Variants in NXPE4 observed in about 807,000 individuals in gnomAD.
The protein encoded by NXPE4 is NXPE family member 4.
In NXPE4, 42 loss-of-function variants were observed where a neutral mutation model predicts 33.3. That is an observed-to-expected ratio of 1.26 (90% confidence interval 0.98 to 1.63). The LOEUF is 1.63. Among genes scored for constraint, NXPE4 ranks in the 40% most tolerant of loss-of-function variants. The pLI is 0.00. For missense variants in NXPE4, 709 were observed against 647.6 expected (o/e 1.09, Z -1.03); for synonymous variants, 253 against 234.9 (o/e 1.08, Z -0.71).
rs1949190064 is a variant in NXPE4 at position 114,582,930 on chromosome 11, T to C, written c.188A>G (p.Lys63Arg). Reference protein sequence around the residue: ...LFPKTPLISLKPLTETELRIK... With the variant: ...LFPKTPLISLRPLTETELRIK... ...TCTGAGTTCAGTCTCTGTTAGTGGC[T>C]TTAATGATATCAGTGGTGTTTTAGG... The change falls in exon 3 of 6, where the codon AAG becomes AGG. Residue 63 changes from lysine to arginine, a missense_variant. Physicochemically the swap from Lys to Arg is conservative, Grantham distance 26. Transcript: ENST00000375478. The C allele has an allele frequency of 6.2e-7, 1 of 1,614,082 alleles. No homozygotes were observed. Among genetic ancestry groups the C allele is most frequent in the Non-Finnish European group, 8.5e-7 (1 of 1,180,024 alleles).
chr11:114,581,853 A>T (rs1222966897), intron 3 of NXPE4, 67 bp from the exon 4 acceptor site: 8 of 1,019,608 alleles, frequency 7.8e-6, no homozygotes, highest in Non-Finnish European at 1.2e-5. Context: ...CAGAAACTAG[A>T]TTATCCAGTG....
the NXPE4 span, among the ~76,000 whole-genome samples, chr11:114,660,849 A>C: frequency 6.6e-6 from 1 of 152,190 alleles, no homozygotes; most frequent in Non-Finnish European, 1.5e-5. Flanking sequence ...GAAAATTCCA[A>C]AGAATCTACA....
chr11:114,581,676 T>A, intron 4 of NXPE4, 49 bp downstream of exon 4: 2 of 1,421,048 alleles, frequency 1.4e-6, no homozygotes, highest in South Asian at 2.3e-5. Flanking sequence ...AGAAACCCTT[T>A]AAATGGGTCT....
rs766029574 is a variant in NXPE4, at chr11:114,582,770, C to CTGGT, written c.344_347dup (p.Leu117ProfsTer42). On this transcript the variant is annotated frameshift_variant, in exon 3 of 6. Coordinates refer to ENST00000375478, the MANE Select transcript of NXPE4 (RefSeq NM_001077639.2). LOFTEE classifies it high-confidence loss of function. Reference sequence around the variant, plus strand: ...CCCTCACCTCCAGCAGGATGTGCAGCTGGTCTCCCCTGCAGTACGTATCTC... The same window carrying CTGGT: ...CCCTCACCTCCAGCAGGATGTGCAGCTGGTTGGTCTCCCCTGCAGTACGTATCTC... 5.0e-6 allele frequency: 8 copies of CTGGT among 1,614,052 alleles called. No homozygotes were observed. The Admixed American group carries it at 1.3e-4, about 27-fold the overall frequency.
chr11:114,601,228 A>C, the NXPE4 span, among the ~76,000 whole-genome samples: 2 of 151,114 alleles, frequency 1.3e-5, no homozygotes, highest in Non-Finnish European at 3.0e-5. Flanking sequence ...GTAATTTTTC[A>C]TCCCATTTCC....
At chr11:114,575,689 A>G (rs1196158257) in intron 5 of NXPE4, among the ~76,000 whole-genome samples, 1 of 152,180 alleles carries the variant, frequency 6.6e-6, no homozygotes, top group African/African-American at 2.4e-5. Context: ...CACCGCCCAA[A>G]GAAATTATAG....
Position 114,594,689 on chromosome 11 carries a change from A to G in NXPE4, c.71T>C (p.Phe24Ser). 1.9e-6 allele frequency: 3 copies of G among 1,602,404 alleles called. No individual in the cohort carries two copies. The highest frequency in any genetic ancestry group is 2.6e-6 in the Non-Finnish European group (3 of 1,172,574). The change falls in exon 2 of 6, where the codon TTT becomes TCT. Residue 24 changes from phenylalanine to serine, a missense_variant. By Grantham distance (155) the Phe-to-Ser change is radical. Coordinates refer to ENST00000375478, the MANE Select transcript of NXPE4 (RefSeq NM_001077639.2). ...CTTTGTGGAGTTCTGGAAAACTGTA[A>G]AAATGATCCAGGAGGCTAATATAAA... ...LLFILASWII[F>S]TVFQNSTKVW...
the NXPE4 span, among the ~76,000 whole-genome samples, chr11:114,673,134 G>A: frequency 2.7e-5 from 4 of 149,346 alleles, no homozygotes; most frequent in Admixed American, 2.7e-4. Context: ...AGTATGCTCT[G>A]TGGCTATATG....
chr11:114,642,774 T>C, the NXPE4 span, among the ~76,000 whole-genome samples: 1 of 152,122 alleles, frequency 6.6e-6, no homozygotes, highest in East Asian at 1.9e-4. Context: ...TTTGGGTATA[T>C]ACCCAGTACT....
At chr11:114,609,059 C>T in the NXPE4 span, among the ~76,000 whole-genome samples, 6 of 151,774 alleles carry the variant, frequency 4.0e-5, no homozygotes, top group South Asian at 2.1e-4. Flanking sequence ...AGTATTGCCT[C>T]GTGGGTAACC....
the NXPE4 span, among the ~76,000 whole-genome samples, chr11:114,602,012 TTATA>T: frequency 1.1e-5 from 1 of 90,868 alleles, no homozygotes; most frequent in African/African-American, 4.5e-5. Context: ...ATGTATTATA[TTATA>T]TATAATATAT....
chr11:114,649,145 A>C, the NXPE4 span, among the ~76,000 whole-genome samples: 1 of 139,738 alleles, frequency 7.2e-6, no homozygotes, highest in African/African-American at 2.6e-5. Flanking sequence ...TTTTTTTTTT[A>C]ACTGGTGGGG....
chr11:114,576,431 A>C (rs1055062009), intron 5 of NXPE4, among the ~76,000 whole-genome samples: 1 of 152,172 alleles, frequency 6.6e-6, no homozygotes, highest in Non-Finnish European at 1.5e-5. Flanking sequence ...GAGTGGGAGA[A>C]AACCTTCACA....
chr11:114,571,273 A>T lies in NXPE4; in HGVS notation c.1300T>A (p.Ser434Thr). Reference protein sequence around the residue: ...GGEKNTVIVISLGQHFRPFPI... With the variant: ...GGEKNTVIVITLGQHFRPFPI... The stretch of plus-strand genomic sequence containing the variant: ...AAGGGTCTGAAATGCTGGCCCAGGG[A>T]AATAACAATGACAGTATTTTTTTCT... Residue 434 changes from serine to threonine, a missense_variant, in exon 6 of 6, where the codon TCC (serine) becomes ACC (threonine). Ser to Thr is a moderately conservative substitution (Grantham distance 58, BLOSUM62 1). Coordinates refer to ENST00000375478, the MANE Select transcript of NXPE4 (RefSeq NM_001077639.2). 7 of 1,613,954 alleles carry T rather than the reference A, an allele frequency of 4.3e-6. No homozygotes were observed. Among genetic ancestry groups the T allele is most frequent in the Non-Finnish European group, 5.9e-6 (7 of 1,179,942 alleles).
At chr11:114,641,112 G>A in the NXPE4 span, among the ~76,000 whole-genome samples, 4 of 151,992 alleles carry the variant, frequency 2.6e-5, no homozygotes, top group African/African-American at 4.8e-5. Context: ...GTAAATAGTA[G>A]TCTGGTGCAC....
At chr11:114,635,046 A>G in the NXPE4 span, among the ~76,000 whole-genome samples, 6 of 152,080 alleles carry the variant, frequency 3.9e-5, no homozygotes, top group South Asian at 1.2e-3. Flanking sequence ...TCTATAAATT[A>G]CCTTGGGTAG....
chr11:114,674,944 A>G, the NXPE4 span, among the ~76,000 whole-genome samples: 2 of 151,826 alleles, frequency 1.3e-5, no homozygotes, highest in Non-Finnish European at 2.9e-5. Flanking sequence ...CATTGAAAGA[A>G]TGATTCACCA....
At chr11:114,646,564 A>G in the NXPE4 span, among the ~76,000 whole-genome samples, 3 of 152,054 alleles carry the variant, frequency 2.0e-5, no homozygotes, top group Non-Finnish European at 4.4e-5. Flanking sequence ...CATAAGTCAA[A>G]TATAGTTGCT....
the NXPE4 span, among the ~76,000 whole-genome samples, chr11:114,636,096 G>C: frequency 4.9e-4 from 2 of 4,086 alleles, no homozygotes; most frequent in African/African-American, 6.9e-3. Flanking sequence ...ATCTGGTCCT[G>C]GACTCTTTCG....
Sources: allele counts gnomAD v4.1 joint callset (sites outside exome capture counted in the v4.1 genomes callset), GRCh38; gene constraint gnomAD v4.1.1; transcripts MANE v1.5; gene names NCBI Gene and HGNC (gene_info 2026-07-23, HGNC 2026-07-21).